The following ZC3H14 variants were observed in gnomAD, a reference collection of about 807,000 sequenced individuals.
The protein encoded by ZC3H14 is zinc finger CCCH domain-containing protein 14.
ZC3H14 carries 31 observed loss-of-function variants against 92.4 expected under a neutral mutation model. That is an observed-to-expected ratio of 0.34 (90% confidence interval 0.25 to 0.45). ZC3H14 has a LOEUF of 0.45. Among genes scored for constraint, ZC3H14 ranks in the 20% least tolerant of loss-of-function variants. The probability of loss-of-function intolerance (pLI) is 1.00; values close to 1 mark genes in which losing one functional copy is unlikely to be tolerated. For missense variants in ZC3H14, 781 were observed against 897.3 expected, an observed-to-expected ratio of 0.87 and a Z score of 1.66; for synonymous variants, 321 against 300.9, an observed-to-expected ratio of 1.07 and a Z score of -0.69.
intron 13 of ZC3H14, among the ~76,000 whole-genome samples, 179 bp downstream of exon 13, chr14:88,607,542 A>C: frequency 8.6e-6 from 1 of 116,912 alleles, no homozygotes. Flanking sequence ...GTACCATCCC[A>C]TTTCACCCTG....
At chr14:88,597,223 G>A (rs1449024943) in intron 10 of ZC3H14, among the ~76,000 whole-genome samples, 4 of 152,074 alleles carry the variant, frequency 2.6e-5, no homozygotes, top group Admixed American at 2.0e-4. Flanking sequence ...GGCCACACCT[G>A]GAACTTGTTG....
chr14:88,627,510 TGTGTACAGTATATTGCATA>T lies in ZC3H14; in HGVS notation c.*15761_*15779del, dbSNP rs2090091578. On this transcript the variant is annotated 3_prime_UTR_variant, in exon 17 of 17. Coordinates refer to ENST00000251038, the MANE Select transcript of ZC3H14 (RefSeq NM_024824.5). ...AAGTGAAATATACCTACAGTACCACTGTGTACAGTATATTGCATAGGCCTCCACTGAATGATTGTTTCAA... is the reference window on the plus strand; with the variant it reads ...AAGTGAAATATACCTACAGTACCACTGGCCTCCACTGAATGATTGTTTCAA... 1 of 782,692 alleles carries T rather than the reference TGTGTACAGTATATTGCATA, an allele frequency of 1.3e-6. No homozygotes were observed. 48.5% of individuals were successfully genotyped at this position (782,692 alleles called of 1,614,324 possible). A position where few individuals can be genotyped will look rare whatever the true frequency, so the allele number is the denominator to read the frequency against.
intron 2 of ZC3H14, among the ~76,000 whole-genome samples, chr14:88,567,510 T>C (rs2079857486): frequency 2.6e-5 from 4 of 152,174 alleles, no homozygotes; most frequent in Admixed American, 2.6e-4. Flanking sequence ...GAGTTGACAT[T>C]ATTTAATGTT....
At position 88,618,215 on chromosome 14, in the gene ZC3H14, T is replaced by C; in HGVS notation, c.*6464T>C. 1.2e-6 allele frequency: 2 copies of C among 1,610,302 alleles called. No homozygotes were observed. Among genetic ancestry groups the C allele is most frequent in the Non-Finnish European group, 1.7e-6 (2 of 1,177,172 alleles). On this transcript the variant is annotated 3_prime_UTR_variant, in exon 17 of 17. Transcript: ENST00000251038. ...AAAGTCAGTTCTTGCCTTGTGAATA[T>C]ATAAGTATTTACCTAGTCCATGTAG...
intron 8 of ZC3H14, among the ~76,000 whole-genome samples, chr14:88,576,723 T>A (rs1423534003): frequency 6.6e-6 from 1 of 152,192 alleles, no homozygotes; most frequent in African/African-American, 2.4e-5. Context: ...GCCCTGCTTA[T>A]CCACTCTCTC....
Position 88,625,364 on chromosome 14 carries a change from C to A in ZC3H14, c.*13613C>A. 1 of 451,086 alleles carries A rather than the reference C, an allele frequency of 2.2e-6. No individual in the cohort carries two copies. The highest frequency in any genetic ancestry group is 3.9e-6 in the Non-Finnish European group (1 of 256,064). The allele number at this position is 451,086 out of a possible 1,614,324, so 27.9% of individuals were successfully genotyped here. A position where few individuals can be genotyped will look rare whatever the true frequency, so the allele number is the denominator to read the frequency against. On this transcript the variant is annotated 3_prime_UTR_variant, in exon 17 of 17. Coordinates refer to ENST00000251038, the MANE Select transcript of ZC3H14 (RefSeq NM_024824.5). ...TTAGCTAGAATAACCTTAGACAATTCTTCCCTTCCAATTCTAACATACTAT... is the reference window on the plus strand; with the variant it reads ...TTAGCTAGAATAACCTTAGACAATTATTCCCTTCCAATTCTAACATACTAT...
At chr14:88,595,071 T>C (rs750863696) in intron 9 of ZC3H14, 27 of 1,613,054 alleles carry the variant, frequency 1.7e-5, no homozygotes, top group Non-Finnish European at 2.2e-5. Context: ...CAAGAACTAC[T>C]GATGTAAAAA....
intron 8 of ZC3H14, among the ~76,000 whole-genome samples, chr14:88,576,462 A>G (rs757034928): frequency 4.6e-5 from 7 of 152,234 alleles, no homozygotes; most frequent in Non-Finnish European, 1.0e-4. Flanking sequence ...AGTACTGAAT[A>G]ATTTTATGAG....
chr14:88,567,972 A>G (rs2079916805), intron 2 of ZC3H14, 67 bp from the exon 3 acceptor site: 6 of 1,266,494 alleles, frequency 4.7e-6, no homozygotes, highest in East Asian at 2.5e-5. Context: ...TATATTTTCA[A>G]GCACATCAAC....
intron 12 of ZC3H14, among the ~76,000 whole-genome samples, chr14:88,604,315 C>G (rs181693704): frequency 1.4e-4 from 22 of 152,216 alleles, no homozygotes; most frequent in Admixed American, 1.0e-3. Context: ...CCTCCTTTCC[C>G]ATTGCTTTGA....
At chr14:88,608,523 T>A (rs531867988) in intron 13 of ZC3H14, 204 of 256,420 alleles carry the variant, frequency 8.0e-4, no homozygotes, top group Non-Finnish European at 4.1e-4. Context: ...TCATGTATGT[T>A]TGTTGAGAGG....
rs766588797 is a variant in ZC3H14, at chr14:88,575,821, CCTTT to C, written c.1023-15_1023-12del. Reference sequence around the variant, plus strand: ...TGAAATTTAAAGTTTAATAAAAATACCTTTCTTAACTCTTTTAGACCTTCTCTTC... The same window carrying C: ...TGAAATTTAAAGTTTAATAAAAATACCTTAACTCTTTTAGACCTTCTCTTC... On this transcript the variant is annotated splice_polypyrimidine_tract_variant and intron_variant, in intron 7 of 16. Transcript: ENST00000251038. The C allele has an allele frequency of 1.3e-6, 2 of 1,591,210 alleles. No homozygotes were observed. Among genetic ancestry groups the C allele is most frequent in the South Asian group, 2.2e-5 (2 of 90,534 alleles).
At chr14:88,603,167 A>G in intron 12 of ZC3H14, 107 bp downstream of exon 12, 1 of 1,079,318 alleles carries the variant, frequency 9.3e-7, no homozygotes, top group Non-Finnish European at 1.4e-6. Context: ...TTTTATTTAT[A>G]TTCAGTAATG....
intron 1 of ZC3H14, 195 bp from the exon 2 acceptor site, chr14:88,563,456 G>T (rs1462241346): frequency 2.1e-6 from 3 of 1,443,688 alleles, no homozygotes; most frequent in African/African-American, 1.5e-5. Context: ...GCTGCGGGAG[G>T]TGGGCGCCGC....
intron 9 of ZC3H14, chr14:88,595,010 A>T (rs747135007): frequency 6.8e-6 from 11 of 1,613,908 alleles, no homozygotes; most frequent in Non-Finnish European, 9.3e-6. Context: ...TCAACAACAT[A>T]TGAATGCAAC....
At chr14:88,607,007 A>G (rs922528294) in intron 12 of ZC3H14, among the ~76,000 whole-genome samples, 2 of 152,146 alleles carry the variant, frequency 1.3e-5, no homozygotes, top group Admixed American at 1.3e-4. Context: ...ATTTGGCCGT[A>G]GTTGCAGAGT....
intron 12 of ZC3H14, among the ~76,000 whole-genome samples, chr14:88,605,476 G>A (rs1445759179): frequency 1.3e-5 from 2 of 152,052 alleles, no homozygotes; most frequent in Non-Finnish European, 2.9e-5. Flanking sequence ...GTTACTACAG[G>A]TGCACACCAC....
chr14:88,615,831 T>C lies in ZC3H14; in HGVS notation c.*4080T>C, dbSNP rs2087518159. 2.5e-6 allele frequency: 4 copies of C among 1,612,086 alleles called. No individual in the cohort carries two copies. Among genetic ancestry groups the C allele is most frequent in the Non-Finnish European group, 3.4e-6 (4 of 1,179,116 alleles). ...TCTCAGCATCTCTCAGTGAGGTGTA[T>C]GTACACATTTCCAGACAAATAAGCT... On this transcript the variant is annotated 3_prime_UTR_variant, in exon 17 of 17. Transcript: ENST00000251038.
At chr14:88,609,543 G>T in intron 14 of ZC3H14, 140 bp downstream of exon 14, 5 of 1,399,588 alleles carry the variant, frequency 3.6e-6, no homozygotes, top group Non-Finnish European at 5.0e-6. Flanking sequence ...TCTTTAAAGA[G>T]CAAGTGTGCC....
Sources: gnomAD v4.1 joint callset for allele counts (sites outside exome capture counted in the v4.1 genomes callset) on GRCh38, gnomAD v4.1.1 for gene constraint, MANE v1.5 for transcripts, NCBI Gene and HGNC (gene_info 2026-07-23, HGNC 2026-07-21) for gene names.